PLPP1: variants seen among roughly 807,000 people sequenced by gnomAD.
PLPP1 encodes lipid phosphate phosphohydrolase 1a.
In PLPP1, 24 loss-of-function variants were observed where a neutral mutation model predicts 31.2. The observed-to-expected ratio is 0.77, with a 90% CI of 0.56 to 1.08. PLPP1 has a LOEUF of 1.08. PLPP1 is among the 50% of genes least tolerant of loss of function. PLPP1 has a pLI of 0.00. For missense variants in PLPP1, 319 were observed against 342.7 expected (o/e 0.93, Z 0.55); for synonymous variants, 146 against 126.3 (o/e 1.16, Z -1.05).
chr5:55,475,489 A>G, intron 1 of PLPP1, 39 bp from the exon 2 acceptor site: 1 of 1,528,800 alleles, frequency 6.5e-7, no homozygotes, highest in Non-Finnish European at 8.9e-7. Context: ...ATTAAAAAAG[A>G]AATATCAAAA....
At chr5:55,473,950 T>C (rs982733685) in intron 2 of PLPP1, among the ~76,000 whole-genome samples, 1 of 151,580 alleles carries the variant, frequency 6.6e-6, no homozygotes, top group Non-Finnish European at 1.5e-5. Context: ...ATTACAGGCG[T>C]GAGCCACCAC....
In PLPP1 at chr5:55,442,651, C is replaced by CAAAA. The variant is rs35404645; in HGVS notation, c.492-747_492-744dup. Among the ~76,000 whole-genome samples, 6 of 145,158 alleles carry CAAAA rather than the reference C, an allele frequency of 4.1e-5. No individual in the cohort carries two copies. In the East Asian group the frequency reaches 1.0e-3, roughly 24 times the overall value. ...TGGGTGACAGAGGGAGACGCCATCT[C>CAAAA]AAAAAAAAAAAAATTTGGTGTTTTA... On this transcript the variant is annotated intron_variant, in intron 3 of 5. Transcript: ENST00000307259.
chr5:55,438,022 A>T (rs189711522), intron 4 of PLPP1, among the ~76,000 whole-genome samples: 2 of 152,244 alleles, frequency 1.3e-5, no homozygotes, highest in African/African-American at 4.8e-5. Context: ...CAAGGCCCAG[A>T]TAAGAGGCAT....
chr5:55,525,203 T>C (rs578143340), intron 1 of PLPP1, among the ~76,000 whole-genome samples: 3 of 152,236 alleles, frequency 2.0e-5, no homozygotes, highest in Non-Finnish European at 4.4e-5. Flanking sequence ...ATGTTACAGG[T>C]AGTAGGATTA....
intron 1 of PLPP1, among the ~76,000 whole-genome samples, chr5:55,489,170 C>T (rs918431135): frequency 2.6e-5 from 4 of 152,170 alleles, no homozygotes; most frequent in Non-Finnish European, 4.4e-5. Flanking sequence ...TGCACTCCAG[C>T]ATGGGCGACA....
chr5:55,448,778 G>A (rs924799122), intron 3 of PLPP1, among the ~76,000 whole-genome samples: 1 of 152,068 alleles, frequency 6.6e-6, no homozygotes, highest in Non-Finnish European at 1.5e-5. Context: ...GAATACTGTC[G>A]CCCCATGGTA....
chr5:55,503,480 A>C (rs756125314), intron 1 of PLPP1, among the ~76,000 whole-genome samples: 26 of 152,030 alleles, frequency 1.7e-4, no homozygotes, highest in Non-Finnish European at 3.4e-4. Flanking sequence ...ATGAAGTCTA[A>C]AATGTTGTTT....
intron 1 of PLPP1, among the ~76,000 whole-genome samples, chr5:55,511,248 A>G (rs10069504): frequency 0.87 from 132,505 of 152,184 alleles, 57,838 homozygotes; most frequent in South Asian, 0.92. Flanking sequence ...ACAGAGTACA[A>G]TGAGAGAGTT....
intron 5 of PLPP1, 25 bp from the exon 6 acceptor site, chr5:55,425,359 A>T: frequency 6.4e-7 from 1 of 1,557,316 alleles, no homozygotes. Flanking sequence ...ATTTAATGGT[A>T]TAATTTAGAT....
chr5:55,473,944 C>T (rs1244250077), intron 2 of PLPP1, among the ~76,000 whole-genome samples: 1 of 151,852 alleles, frequency 6.6e-6, no homozygotes, highest in Non-Finnish European at 1.5e-5. Context: ...GCTGGGATTA[C>T]AGGCGTGAGC....
At chr5:55,487,194 T>G (rs2111841518) in intron 1 of PLPP1, among the ~76,000 whole-genome samples, 1 of 152,244 alleles carries the variant, frequency 6.6e-6, no homozygotes, top group African/African-American at 2.4e-5. Context: ...ATTTTTAAAT[T>G]TAGACAAAGT....
chr5:55,516,025 A>G (rs1391254010), intron 1 of PLPP1, among the ~76,000 whole-genome samples: 1 of 152,072 alleles, frequency 6.6e-6, no homozygotes, highest in African/African-American at 2.4e-5. Flanking sequence ...CTATCAAACC[A>G]GGTTCTCATC....
At position 55,533,866 on chromosome 5, in the gene PLPP1, C is replaced by G. The variant is rs554470396; in HGVS notation, c.58+706G>C. ...CCAGAAGCCTCATAACTGAACTCTTCCAATCAGGAAGACAATGCGAAATCT... is the reference window on the plus strand; with the variant it reads ...CCAGAAGCCTCATAACTGAACTCTTGCAATCAGGAAGACAATGCGAAATCT... On this transcript the variant is annotated intron_variant, in intron 1 of 5. Transcript: ENST00000307259. Among the ~76,000 whole-genome samples, 8 of 152,316 alleles carry G rather than the reference C, an allele frequency of 5.3e-5. No homozygotes were observed. The South Asian group carries it at 1.7e-3, about 32-fold the overall frequency.
intron 1 of PLPP1, among the ~76,000 whole-genome samples, chr5:55,531,198 C>G (rs1403209203): frequency 1.3e-5 from 2 of 152,216 alleles, no homozygotes; most frequent in Non-Finnish European, 2.9e-5. Flanking sequence ...TTTACCATAT[C>G]CACTTGAGGA....
chr5:55,486,250 T>A (rs1380790000), intron 1 of PLPP1, among the ~76,000 whole-genome samples: 1 of 152,164 alleles, frequency 6.6e-6, no homozygotes, highest in Non-Finnish European at 1.5e-5. Flanking sequence ...CCTTTCCCCA[T>A]TTTTCTTTGA....
intron 1 of PLPP1, among the ~76,000 whole-genome samples, chr5:55,525,660 G>A (rs1444508531): frequency 6.6e-6 from 1 of 152,066 alleles, no homozygotes; most frequent in Non-Finnish European, 1.5e-5. Context: ...AGTTTCAGTT[G>A]AGTAAAAAGG....
At chr5:55,512,039 G>A (rs1421071715) in intron 1 of PLPP1, among the ~76,000 whole-genome samples, 3 of 150,682 alleles carry the variant, frequency 2.0e-5, no homozygotes, top group African/African-American at 7.3e-5. Flanking sequence ...TGAGGCAGGA[G>A]AATCGTTTGA....
intron 1 of PLPP1, 83 bp from the exon 2 acceptor site, chr5:55,475,533 G>A: frequency 8.0e-7 from 1 of 1,253,726 alleles, no homozygotes. Flanking sequence ...CACAGACTCT[G>A]TCTAAAAATG....
At chr5:55,530,912 AGCG>A (rs1391998867) in intron 1 of PLPP1, among the ~76,000 whole-genome samples, 5 of 152,144 alleles carry the variant, frequency 3.3e-5, no homozygotes, top group Admixed American at 1.3e-4. Context: ...TGACAGCGGC[AGCG>A]GCCCCGATGG....
Sources: allele counts gnomAD v4.1 joint callset (sites outside exome capture counted in the v4.1 genomes callset), GRCh38; gene constraint gnomAD v4.1.1; transcripts MANE v1.5; gene names NCBI Gene and HGNC (gene_info 2026-07-23, HGNC 2026-07-21).